The following TMEM132D variants were observed in gnomAD, a reference collection of about 807,000 sequenced individuals.
TMEM132D encodes the protein transmembrane protein 132D.
TMEM132D carries 21 observed loss-of-function variants against 62.3 expected under a neutral mutation model. The observed-to-expected ratio is 0.34, with a 90% CI of 0.24 to 0.49. The LOEUF is 0.49. Ranked by LOEUF, TMEM132D falls within the 20% of genes least tolerant of loss-of-function variation. The pLI is 0.99. For missense variants in TMEM132D, 1,346 were observed against 1,402.8 expected (o/e 0.96, Z 0.65); for synonymous variants, 621 against 575.6 (o/e 1.08, Z -1.13).
intron 4 of TMEM132D, among the ~76,000 whole-genome samples, chr12:129,297,470 G>C (rs372597652): frequency 1.3e-4 from 20 of 152,298 alleles, no homozygotes; most frequent in East Asian, 5.8e-4. Flanking sequence ...GAGAAAGCAG[G>C]TCTGCAGAAG....
At chr12:129,717,141 C>CACAACCTGA (rs1388562410) in intron 1 of TMEM132D, among the ~76,000 whole-genome samples, 1 of 152,206 alleles carries the variant, frequency 6.6e-6, no homozygotes, top group African/African-American at 2.4e-5. Context: ...TTGAGGCATG[C>CACAACCTGA]ACAACCTGAA....
intron 3 of TMEM132D, among the ~76,000 whole-genome samples, chr12:129,524,443 G>A (rs1875950772): frequency 1.3e-5 from 2 of 152,144 alleles, no homozygotes; most frequent in South Asian, 4.2e-4. Context: ...TTAATTTCTT[G>A]CTGATATACA....
intron 2 of TMEM132D, among the ~76,000 whole-genome samples, chr12:129,563,288 C>T (rs1328457134): frequency 1.3e-5 from 2 of 152,168 alleles, no homozygotes; most frequent in South Asian, 2.1e-4. Context: ...TCAAGGGACA[C>T]AGTGACATAA....
At chr12:129,716,737 G>A (rs762081001) in intron 1 of TMEM132D, among the ~76,000 whole-genome samples, 2 of 152,142 alleles carry the variant, frequency 1.3e-5, no homozygotes, top group African/African-American at 4.8e-5. Context: ...ATCTGCAAGG[G>A]TGCTTAAGAG....
At chr12:129,712,400 C>G (rs560568275) in intron 1 of TMEM132D, among the ~76,000 whole-genome samples, 1 of 152,114 alleles carries the variant, frequency 6.6e-6, no homozygotes, top group African/African-American at 2.4e-5. Context: ...CTGGGATTAC[C>G]GGCGTGAGCC....
rs543146557 is a variant in TMEM132D at position 129,335,696 on chromosome 12, C to G, written c.1299+1938G>C. 5.9e-5 allele frequency among the ~76,000 whole-genome samples: 9 copies of G among 151,670 alleles called. 1 individual carries two copies. In the South Asian group the frequency reaches 1.9e-3, roughly 32 times the overall value. ...TCAAGTGGAAATAAAGGAGAATTGT[C>G]GAAGATGCTGTTCATTGCCTTAGAA... On this transcript the variant is annotated intron_variant, in intron 4 of 8. Transcript: ENST00000422113.
At chr12:129,227,733 T>A (rs1312738459) in intron 4 of TMEM132D, among the ~76,000 whole-genome samples, 5 of 152,064 alleles carry the variant, frequency 3.3e-5, no homozygotes, top group Non-Finnish European at 7.4e-5. Flanking sequence ...TATCTCCTAA[T>A]GCTATCCCTC....
intron 1 of TMEM132D, among the ~76,000 whole-genome samples, chr12:129,708,007 C>T (rs1050527861): frequency 4.1e-4 from 62 of 152,084 alleles, no homozygotes; most frequent in African/African-American, 1.4e-3. Context: ...ACTTGAGGTC[C>T]AGAGTTCGAG....
chr12:129,187,853 T>C (rs945963539), intron 5 of TMEM132D, among the ~76,000 whole-genome samples: 23 of 152,242 alleles, frequency 1.5e-4, no homozygotes, highest in African/African-American at 5.1e-4. Flanking sequence ...AGTAAAGAAG[T>C]ATTTTCTGGC....
At chr12:129,353,838 A>G (rs1161774064) in intron 3 of TMEM132D, among the ~76,000 whole-genome samples, 1 of 151,796 alleles carries the variant, frequency 6.6e-6, no homozygotes, top group African/African-American at 2.4e-5. Flanking sequence ...CTCTACATAC[A>G]GCTCAAACAC....
chr12:129,616,399 A>ACAGT (rs1464357378), intron 2 of TMEM132D, among the ~76,000 whole-genome samples: 2 of 152,158 alleles, frequency 1.3e-5, no homozygotes, highest in Non-Finnish European at 2.9e-5. Flanking sequence ...ATTGAGGGGC[A>ACAGT]CAGTGGTGTG....
chr12:129,260,093 C>T (rs12369557), intron 4 of TMEM132D, among the ~76,000 whole-genome samples: 7 of 152,070 alleles, frequency 4.6e-5, no homozygotes, highest in Non-Finnish European at 1.0e-4. Flanking sequence ...GTTAAAGCTT[C>T]GAAATGAAAG....
At chr12:129,597,094 A>T (rs1878358472) in intron 2 of TMEM132D, among the ~76,000 whole-genome samples, 2 of 152,198 alleles carry the variant, frequency 1.3e-5, no homozygotes, top group Non-Finnish European at 1.5e-5. Flanking sequence ...CACTTAGGGG[A>T]ATGATATTTT....
chr12:129,490,595 AATTT>A, intron 3 of TMEM132D, among the ~76,000 whole-genome samples: 1 of 63,448 alleles, frequency 1.6e-5, no homozygotes, highest in Admixed American at 1.9e-4. Flanking sequence ...ACGCCCGGCT[AATTT>A]TTTTTTTTTT....
chr12:129,459,592 C>T (rs1431943050), intron 3 of TMEM132D, among the ~76,000 whole-genome samples: 1 of 152,026 alleles, frequency 6.6e-6, no homozygotes, highest in East Asian at 1.9e-4. Context: ...GAGCAAGGCT[C>T]TGTGTTCAAG....
chr12:129,521,508 T>TA (rs1297300415), intron 3 of TMEM132D: 2 of 152,198 alleles, frequency 1.3e-5, no homozygotes, highest in East Asian at 3.9e-4. Flanking sequence ...ATATAGAAAA[T>TA]AAAAAGAAAA....
At chr12:129,719,302 C>A (rs778141278) in intron 1 of TMEM132D, among the ~76,000 whole-genome samples, 12 of 152,004 alleles carry the variant, frequency 7.9e-5, no homozygotes, top group Non-Finnish European at 1.5e-4. Context: ...TGCCTGCATA[C>A]TCCAGAGGTA....
intron 4 of TMEM132D, among the ~76,000 whole-genome samples, chr12:129,286,354 A>G (rs1021151784): frequency 2.6e-5 from 4 of 152,232 alleles, no homozygotes; most frequent in African/African-American, 9.6e-5. Context: ...ATCTTCTTAT[A>G]GTTCAGCTGA....
At chr12:129,727,774 A>G (rs1176407075) in intron 1 of TMEM132D, among the ~76,000 whole-genome samples, 1 of 152,156 alleles carries the variant, frequency 6.6e-6, no homozygotes, top group Non-Finnish European at 1.5e-5. Flanking sequence ...ATTAATAGGT[A>G]TCACTGGAAG....
Sources: allele counts gnomAD v4.1 joint callset (sites outside exome capture counted in the v4.1 genomes callset), GRCh38; gene constraint gnomAD v4.1.1; transcripts MANE v1.5; gene names NCBI Gene and HGNC (gene_info 2026-07-23, HGNC 2026-07-21).